CEP83: variants seen among roughly 807,000 people sequenced by gnomAD.
CEP83 encodes the protein centrosomal protein of 83 kDa.
In CEP83, 70 loss-of-function variants were observed where a neutral mutation model predicts 101.9. That is an observed-to-expected ratio of 0.69 (90% CI 0.57 to 0.84). The LOEUF (loss-of-function observed/expected upper bound fraction) is 0.84. Ranked by LOEUF, CEP83 falls within the 40% of genes least tolerant of loss-of-function variation. CEP83 has a pLI of 0.00. For missense variants in CEP83, 715 were observed against 787.2 expected (o/e 0.91, Z 1.10); for synonymous variants, 264 against 267.9 (o/e 0.99, Z 0.14).
the CEP83 span, among the ~76,000 whole-genome samples, chr12:94,275,104 G>T: frequency 6.6e-6 from 1 of 152,172 alleles, no homozygotes; most frequent in African/African-American, 2.4e-5. Flanking sequence ...AGGTGGCCCG[G>T]TGCTGGGCCT....
chr12:94,386,119 T>C (rs1414489202), intron 6 of CEP83, among the ~76,000 whole-genome samples: 1 of 152,204 alleles, frequency 6.6e-6, no homozygotes, highest in Non-Finnish European at 1.5e-5. Flanking sequence ...AAGCTACACG[T>C]TACTGTACTT....
At chr12:94,410,254 A>T (rs565121609) in intron 4 of CEP83, among the ~76,000 whole-genome samples, 1 of 152,360 alleles carries the variant, frequency 6.6e-6, no homozygotes, top group African/African-American at 2.4e-5. Flanking sequence ...TCAAATAAAC[A>T]TGTCATAATC....
At chr12:94,402,197 T>A (rs1317052438) in intron 5 of CEP83, 1 of 152,232 alleles carries the variant, frequency 6.6e-6, no homozygotes, top group African/African-American at 2.4e-5. Context: ...TTTACTTTTA[T>A]GAAGTGGCAT....
rs117569554 is a variant in CEP83, at chr12:94,459,649, C to A, written c.-247G>T. 3,174 of 153,072 alleles carry A rather than the reference C, an allele frequency of 0.021. 51 individuals carry two copies. The highest frequency in any genetic ancestry group is 0.03 in the Non-Finnish European group (2,078 of 68,506). The allele number at this position is 153,072 out of a possible 1,614,324, so 9.5% of individuals were successfully genotyped here. A position where few individuals can be genotyped will look rare whatever the true frequency, so the allele number is the denominator to read the frequency against. On this transcript the variant is annotated 5_prime_UTR_variant, in exon 1 of 17. Coordinates refer to ENST00000397809, the MANE Select transcript of CEP83 (RefSeq NM_016122.3). ...CGCCACCGGGGACACCTCCACAGCT[C>A]CAACCACAGGCACCCACTCAACTCC...
chr12:94,370,082 C>T, intron 8 of CEP83, 46 bp from the exon 9 acceptor site: 1 of 1,077,866 alleles, frequency 9.3e-7, no homozygotes, highest in Non-Finnish European at 1.4e-6. Context: ...ATTTTCTTGC[C>T]ATTCAATACT....
At chr12:94,418,372 G>T (rs1042903832) in intron 2 of CEP83, among the ~76,000 whole-genome samples, 1 of 151,566 alleles carries the variant, frequency 6.6e-6, no homozygotes, top group African/African-American at 2.4e-5. Context: ...AAAAAGAAAA[G>T]AAAAAAATAC....
At chr12:94,422,863 G>T (rs978734397) in intron 2 of CEP83, among the ~76,000 whole-genome samples, 1 of 152,058 alleles carries the variant, frequency 6.6e-6, no homozygotes, top group Non-Finnish European at 1.5e-5. Context: ...CTGCTGATGC[G>T]CATTTGGTTG....
intron 11 of CEP83, among the ~76,000 whole-genome samples, chr12:94,363,305 T>C (rs1437544004): frequency 6.6e-6 from 1 of 152,184 alleles, no homozygotes; most frequent in African/African-American, 2.4e-5. Flanking sequence ...ACATGTACAA[T>C]TGTGTGTCAA....
At chr12:94,325,325 A>T (rs969771577) in intron 14 of CEP83, among the ~76,000 whole-genome samples, 1 of 152,136 alleles carries the variant, frequency 6.6e-6, no homozygotes, top group Admixed American at 6.5e-5. Context: ...GGCACCCGCC[A>T]CCATGCCCGG....
chr12:94,268,612 T>TA, the CEP83 span, among the ~76,000 whole-genome samples: 291 of 130,750 alleles, frequency 2.2e-3, 10 homozygotes, highest in South Asian at 8.1e-3. Context: ...TTTTTTTTTT[T>TA]AATTTAAGGA....
the CEP83 span, chr12:94,272,320 T>C: frequency 3.9e-5 from 6 of 152,258 alleles, no homozygotes; most frequent in African/African-American, 1.2e-4. Flanking sequence ...GTCCTCATAT[T>C]CTAAGTGTCT....
In CEP83 at chr12:94,419,007, T is replaced by G. The variant is rs1298229906; in HGVS notation, c.-101-6416A>C. On this transcript the variant is annotated intron_variant, in intron 2 of 16. Transcript: ENST00000397809. ...CATTATTGCTACTTTTATTCAATAT[T>G]GTATTGAAGAACTAGAACAAAACAA... Among the ~76,000 whole-genome samples, 3 of 151,874 alleles carry G rather than the reference T, an allele frequency of 2.0e-5. No individual in the cohort carries two copies. The East Asian group carries it at 5.8e-4, about 29-fold the overall frequency.
chr12:94,360,147 T>C (rs1007374737), intron 11 of CEP83, among the ~76,000 whole-genome samples: 1 of 152,090 alleles, frequency 6.6e-6, no homozygotes, highest in East Asian at 1.9e-4. Flanking sequence ...ATACCATATA[T>C]GACAAAACCA....
At chr12:94,438,674 C>T (rs2066178844) in intron 1 of CEP83, among the ~76,000 whole-genome samples, 1 of 152,264 alleles carries the variant, frequency 6.6e-6, no homozygotes, top group African/African-American at 2.4e-5. Context: ...AGACTATACC[C>T]TAAAACAAAT....
chr12:94,410,534 GCTTTA>G (rs1182861105), intron 4 of CEP83, among the ~76,000 whole-genome samples: 20 of 152,030 alleles, frequency 1.3e-4, no homozygotes, highest in African/African-American at 4.8e-4. Context: ...TTCTGGATGT[GCTTTA>G]CTTACTTTCT....
At chr12:94,447,445 C>A (rs2066894944) in intron 1 of CEP83, among the ~76,000 whole-genome samples, 1 of 152,094 alleles carries the variant, frequency 6.6e-6, no homozygotes, top group Non-Finnish European at 1.5e-5. Context: ...GCGGTGGCTG[C>A]AGTGAGCCAA....
chr12:94,348,678 A>C (rs2060058718), intron 11 of CEP83, among the ~76,000 whole-genome samples: 1 of 152,144 alleles, frequency 6.6e-6, no homozygotes, highest in African/African-American at 2.4e-5. Context: ...GATCTACTAC[A>C]GCTTTCTGAA....
downstream of CEP83, among the ~76,000 whole-genome samples, chr12:94,303,279 AT>A (rs1968654203): frequency 6.6e-6 from 1 of 152,192 alleles, no homozygotes; most frequent in Non-Finnish European, 1.5e-5. Flanking sequence ...AAGCTGGAAA[AT>A]CTGCCTCTGC....
chr12:94,377,627 C>A (rs542081338), intron 7 of CEP83, among the ~76,000 whole-genome samples: 1 of 152,300 alleles, frequency 6.6e-6, no homozygotes, highest in East Asian at 1.9e-4. Context: ...ATTTTCATTT[C>A]ATCTGACAAA....
Sources: gnomAD v4.1 joint callset for allele counts (sites outside exome capture counted in the v4.1 genomes callset) on GRCh38, gnomAD v4.1.1 for gene constraint, MANE v1.5 for transcripts, NCBI Gene and HGNC (gene_info 2026-07-23, HGNC 2026-07-21) for gene names.